The following CLRN1 variants were observed in gnomAD, a reference collection of about 807,000 sequenced individuals.
CLRN1 encodes clarin 1.
CLRN1 carries 15 observed loss-of-function variants against 18.7 expected under a neutral mutation model. That is an observed-to-expected ratio of 0.80 (90% CI 0.54 to 1.23). The LOEUF is 1.23. CLRN1 is among the 50% of genes most tolerant of loss of function. The probability of loss-of-function intolerance (pLI) is 0.00; values close to 1 mark genes in which losing one functional copy is unlikely to be tolerated. For synonymous variants in CLRN1, 104 were observed against 102.9 expected (o/e 1.01, Z -0.07); for missense variants, 311 against 277.5 (o/e 1.12, Z -0.86).
chr3:150,940,532 A>G (rs1713755648), intron 2 of CLRN1: 2 of 1,534,408 alleles, frequency 1.3e-6, no homozygotes, highest in Middle Eastern at 1.7e-4. Context: ...TCAGGAGAAA[A>G]AGAAACAGTC....
chr3:150,954,894 A>G (rs1342693284), intron 1 of CLRN1, among the ~76,000 whole-genome samples: 2 of 152,240 alleles, frequency 1.3e-5, no homozygotes, highest in Non-Finnish European at 2.9e-5. Context: ...CAGCAATCCC[A>G]TTGCTCAGTA....
intron 1 of CLRN1, among the ~76,000 whole-genome samples, chr3:150,956,615 A>C (rs1367763014): frequency 6.6e-6 from 1 of 152,166 alleles, no homozygotes; most frequent in East Asian, 1.9e-4. Flanking sequence ...AGTAAGTCGT[A>C]AGTTAATGAC....
At chr3:150,936,451 C>T (rs1277425424) in intron 2 of CLRN1, among the ~76,000 whole-genome samples, 1 of 152,120 alleles carries the variant, frequency 6.6e-6, no homozygotes, top group Non-Finnish European at 1.5e-5. Context: ...GCTCTTCTCC[C>T]CACCCCTTTC....
At chr3:150,959,063 A>G (rs1462198478) in intron 1 of CLRN1, among the ~76,000 whole-genome samples, 2 of 152,228 alleles carry the variant, frequency 1.3e-5, no homozygotes, top group Non-Finnish European at 2.9e-5. Context: ...GTTCAAACTT[A>G]CTTGTTATTA....
At chr3:150,949,458 C>T (rs1159209530) in intron 1 of CLRN1, among the ~76,000 whole-genome samples, 1 of 152,076 alleles carries the variant, frequency 6.6e-6, no homozygotes, top group African/African-American at 2.4e-5. Flanking sequence ...TCTAAAAAAC[C>T]CCCTAGTCTC....
chr3:150,942,816 T>C (rs1485824860), intron 1 of CLRN1, among the ~76,000 whole-genome samples: 1 of 152,228 alleles, frequency 6.6e-6, no homozygotes, highest in Admixed American at 6.5e-5. Context: ...TTCGATTGCT[T>C]TGACCTCCTG....
At chr3:150,939,300 T>A (rs1045593567) in intron 2 of CLRN1, among the ~76,000 whole-genome samples, 1 of 152,158 alleles carries the variant, frequency 6.6e-6, no homozygotes, top group Non-Finnish European at 1.5e-5. Context: ...CAGAAACCCC[T>A]CATGGTGTCC....
chr3:150,939,667 T>G (rs990827537), intron 2 of CLRN1, among the ~76,000 whole-genome samples: 2 of 152,208 alleles, frequency 1.3e-5, no homozygotes, highest in African/African-American at 4.8e-5. Context: ...ATGCAGACGC[T>G]GCTCATCTGG....
At chr3:150,934,602 A>G (rs1346199713) in intron 2 of CLRN1, among the ~76,000 whole-genome samples, 2 of 152,184 alleles carry the variant, frequency 1.3e-5, no homozygotes, top group African/African-American at 4.8e-5. Flanking sequence ...CCACTGATCC[A>G]TGTCAAGTCT....
intron 1 of CLRN1, among the ~76,000 whole-genome samples, chr3:150,963,554 GA>G (rs1302828295): frequency 6.6e-6 from 1 of 152,066 alleles, no homozygotes; most frequent in Non-Finnish European, 1.5e-5. Context: ...CACAGAATTA[GA>G]AAAAACTACT....
chr3:150,963,643 T>TA (rs915920291), intron 1 of CLRN1, among the ~76,000 whole-genome samples: 2 of 151,992 alleles, frequency 1.3e-5, no homozygotes, highest in African/African-American at 4.8e-5. Context: ...CTGGAGGTAT[T>TA]ACGCTACCTG....
At chr3:150,954,774 A>AT (rs1714657127) in intron 1 of CLRN1, among the ~76,000 whole-genome samples, 2 of 152,160 alleles carry the variant, frequency 1.3e-5, no homozygotes, top group Admixed American at 6.5e-5. Context: ...CTTTCAGGTT[A>AT]TTTTTTGTGT....
chr3:150,961,256 C>T (rs551786061), intron 1 of CLRN1, among the ~76,000 whole-genome samples: 1 of 152,292 alleles, frequency 6.6e-6, no homozygotes, highest in Non-Finnish European at 1.5e-5. Context: ...GGCCACCATC[C>T]ACCTCAGTCA....
At chr3:150,932,764 A>C (rs529218057) in intron 2 of CLRN1, among the ~76,000 whole-genome samples, 13 of 152,320 alleles carry the variant, frequency 8.5e-5, no homozygotes, top group African/African-American at 3.1e-4. Context: ...AGTTGTTCTG[A>C]CTCTACACTG....
rs1349281262 is a variant in CLRN1 at position 150,950,791 on chromosome 3, C to T, written c.254-9030G>A. Among the ~76,000 whole-genome samples, 5 of 152,048 alleles carry T rather than the reference C, an allele frequency of 3.3e-5. No homozygotes were observed. In the South Asian group the frequency reaches 6.2e-4, roughly 19 times the overall value. ...AGAACGACCATTTGACCCAGCAATC[C>T]CATTACTACCAGAAGAATAGAAATC... On this transcript the variant is annotated intron_variant, in intron 1 of 2. Coordinates refer to ENST00000327047, the MANE Select transcript of CLRN1 (RefSeq NM_174878.3).
chr3:150,935,256 T>G (rs1177388706), intron 2 of CLRN1, among the ~76,000 whole-genome samples: 7 of 151,124 alleles, frequency 4.6e-5, no homozygotes, highest in Non-Finnish European at 1.0e-4. Context: ...AACTCGTCAT[T>G]TAGCATTAGG....
intron 2 of CLRN1, among the ~76,000 whole-genome samples, chr3:150,936,289 C>T (rs544439375): frequency 2.0e-5 from 3 of 152,220 alleles, no homozygotes; most frequent in Admixed American, 6.5e-5. Context: ...TATCTATATC[C>T]GAATAATGCC....
intron 2 of CLRN1, among the ~76,000 whole-genome samples, chr3:150,939,864 C>G (rs557895717): frequency 1.9e-4 from 29 of 152,266 alleles, no homozygotes; most frequent in African/African-American, 5.3e-4. Context: ...CTCATTCAGT[C>G]TGCCCACACC....
intron 2 of CLRN1, among the ~76,000 whole-genome samples, chr3:150,935,629 G>C (rs1576628060): frequency 6.6e-6 from 1 of 150,794 alleles, no homozygotes; most frequent in East Asian, 1.9e-4. Flanking sequence ...CTTTATAGCA[G>C]CATGATTTAT....
Sources: allele counts gnomAD v4.1 joint callset (sites outside exome capture counted in the v4.1 genomes callset), GRCh38; gene constraint gnomAD v4.1.1; transcripts MANE v1.5; gene names NCBI Gene and HGNC (gene_info 2026-07-23, HGNC 2026-07-21).